Variants in PIBF1 observed in about 807,000 individuals in gnomAD.
PIBF1 encodes progesterone-induced-blocking factor 1.
PIBF1 carries 90 observed loss-of-function variants against 112.5 expected under a neutral mutation model. The observed-to-expected ratio is 0.80, with a 90% CI of 0.67 to 0.95. The LOEUF (loss-of-function observed/expected upper bound fraction) is 0.95. PIBF1 is among the 40% of genes least tolerant of loss of function. The probability of loss-of-function intolerance (pLI) is 0.00; values close to 1 mark genes in which losing one functional copy is unlikely to be tolerated. For synonymous variants in PIBF1, 301 were observed against 288.6 expected, an observed-to-expected ratio of 1.04 and a Z score of -0.44; for missense variants, 915 against 852.3, an observed-to-expected ratio of 1.07 and a Z score of -0.92.
At chr13:72,860,339 G>A (rs2038638684) in intron 10 of PIBF1, among the ~76,000 whole-genome samples, 1 of 151,530 alleles carries the variant, frequency 6.6e-6, no homozygotes, top group Admixed American at 6.6e-5. Flanking sequence ...GTGTGTGTGT[G>A]TGTGTGTGTG....
chr13:72,851,221 A>T lies in PIBF1; in HGVS notation c.1224-2836A>T, dbSNP rs923579832. 7.9e-5 allele frequency among the ~76,000 whole-genome samples: 12 copies of T among 152,272 alleles called. No homozygotes were observed. The South Asian group carries it at 2.5e-3, about 32-fold the overall frequency. ...GAGGGGCGGGAGCCCTCCCAGGCGC[A>T]GCTGCAGTGGCCCAGTCGCAGCTGC... On this transcript the variant is annotated intron_variant, in intron 9 of 17. Transcript: ENST00000326291.
At chr13:72,943,355 A>G (rs1325189399) in intron 14 of PIBF1, among the ~76,000 whole-genome samples, 1 of 152,248 alleles carries the variant, frequency 6.6e-6, no homozygotes, top group African/African-American at 2.4e-5. Flanking sequence ...AAGATTTGAA[A>G]TGTTCCTAAT....
chr13:72,860,845 T>C (rs35289851), intron 10 of PIBF1, among the ~76,000 whole-genome samples: 1 of 152,194 alleles, frequency 6.6e-6, no homozygotes, highest in Non-Finnish European at 1.5e-5. Flanking sequence ...GACTCATGTA[T>C]GTCCCAATTC....
chr13:72,851,524 G>A (rs567443518), intron 9 of PIBF1, among the ~76,000 whole-genome samples: 1 of 152,240 alleles, frequency 6.6e-6, no homozygotes, highest in African/African-American at 2.4e-5. Flanking sequence ...GTGTCTTGGT[G>A]CAGGCCTGCA....
At chr13:72,940,078 A>C (rs1225810107) in intron 14 of PIBF1, among the ~76,000 whole-genome samples, 3 of 152,094 alleles carry the variant, frequency 2.0e-5, no homozygotes, top group Admixed American at 2.0e-4. Flanking sequence ...GAGTTTATCA[A>C]ATTTATAAAT....
At chr13:72,991,493 T>C (rs1406012664) in intron 16 of PIBF1, among the ~76,000 whole-genome samples, 2 of 152,212 alleles carry the variant, frequency 1.3e-5, no homozygotes. Flanking sequence ...AATTTTATTA[T>C]GTATTTGATA....
chr13:72,859,639 G>A (rs945424609), intron 10 of PIBF1, among the ~76,000 whole-genome samples: 17 of 152,124 alleles, frequency 1.1e-4, no homozygotes, highest in African/African-American at 3.9e-4. Flanking sequence ...AATTTTAATA[G>A]GAATAAATGT....
intron 9 of PIBF1, among the ~76,000 whole-genome samples, chr13:72,850,019 TTC>T (rs2038057142): frequency 6.6e-6 from 1 of 152,234 alleles, no homozygotes; most frequent in Non-Finnish European, 1.5e-5. Flanking sequence ...CATTGAGTTT[TTC>T]TCTCTCAGAC....
intron 8 of PIBF1, among the ~76,000 whole-genome samples, chr13:72,830,509 C>A (rs1051784128): frequency 7.2e-5 from 11 of 152,018 alleles, no homozygotes; most frequent in Admixed American, 2.0e-4. Flanking sequence ...TTGTCAAAGG[C>A]CTTTTCTTCA....
At chr13:73,000,914 A>C (rs1339998618) in intron 17 of PIBF1, among the ~76,000 whole-genome samples, 4 of 152,138 alleles carry the variant, frequency 2.6e-5, no homozygotes, top group Non-Finnish European at 5.9e-5. Context: ...TTCCTTCCTT[A>C]TTTTTGCTTA....
chr13:72,911,320 A>C (rs1214943657), intron 12 of PIBF1, among the ~76,000 whole-genome samples: 1 of 152,166 alleles, frequency 6.6e-6, no homozygotes, highest in Non-Finnish European at 1.5e-5. Flanking sequence ...AGACTAGAAA[A>C]CCCAGAAACA....
chr13:72,795,277 T>A, intron 3 of PIBF1, 82 bp from the exon 4 acceptor site: 1 of 836,042 alleles, frequency 1.2e-6, no homozygotes, highest in Non-Finnish European at 1.9e-6. Context: ...CCTAACTTTA[T>A]GTTGATATAA....
At chr13:72,913,949 T>G (rs2040991609) in intron 12 of PIBF1, among the ~76,000 whole-genome samples, 1 of 152,208 alleles carries the variant, frequency 6.6e-6, no homozygotes, top group Admixed American at 6.5e-5. Flanking sequence ...AACTAGGTTC[T>G]CTATCAGTTC....
intron 14 of PIBF1, among the ~76,000 whole-genome samples, chr13:72,938,362 C>T (rs755177285): frequency 4.6e-5 from 7 of 152,042 alleles, no homozygotes; most frequent in Admixed American, 6.6e-5. Flanking sequence ...TCCCCATTCC[C>T]GCCTCCACCT....
chr13:72,850,742 A>G (rs528904288), intron 9 of PIBF1, among the ~76,000 whole-genome samples: 1 of 147,200 alleles, frequency 6.8e-6, no homozygotes, highest in South Asian at 2.2e-4. Context: ...TGAAAAATAT[A>G]TAAATGTTTA....
At chr13:72,906,764 C>T (rs1282521863) in intron 11 of PIBF1, among the ~76,000 whole-genome samples, 2 of 151,998 alleles carry the variant, frequency 1.3e-5, no homozygotes. Context: ...ATTTTGATTC[C>T]TTATCTCTAA....
chr13:72,817,756 C>T lies in PIBF1; in HGVS notation c.673-4093C>T, dbSNP rs1052059867. On this transcript the variant is annotated intron_variant, in intron 5 of 17. Transcript: ENST00000326291. ...ACATGGAAGGATGCAGAGGAGAATA[C>T]AAAATAGTCTTTTCTACTCTCTATA... Among the ~76,000 whole-genome samples the T allele has an allele frequency of 7.2e-5, 11 of 152,130 alleles. No homozygotes were observed. The East Asian group carries it at 2.1e-3, about 29-fold the overall frequency.
intron 14 of PIBF1, among the ~76,000 whole-genome samples, chr13:72,948,915 C>A (rs544213349): frequency 6.6e-6 from 1 of 152,294 alleles, no homozygotes; most frequent in African/African-American, 2.4e-5. Flanking sequence ...CCAGGTTCTT[C>A]TGATGACATG....
intron 16 of PIBF1, among the ~76,000 whole-genome samples, chr13:72,987,868 T>TTTTTTTTTTTTTTTA (rs2043354499): frequency 9.4e-6 from 1 of 106,526 alleles, no homozygotes; most frequent in Non-Finnish European, 2.1e-5. Context: ...ATTTTTTTTT[T>TTTTTTTTTTTTTTTA]TTTTTTTTTT....
Sources: allele counts gnomAD v4.1 joint callset (sites outside exome capture counted in the v4.1 genomes callset), GRCh38; gene constraint gnomAD v4.1.1; transcripts MANE v1.5; gene names NCBI Gene and HGNC (gene_info 2026-07-23, HGNC 2026-07-21).